The following NFIB variants were observed in gnomAD, a reference collection of about 807,000 sequenced individuals.
NFIB encodes the protein nuclear factor 1 B-type.
Under a neutral mutation model 61.5 loss-of-function variants are expected in NFIB, and 11 were observed. The observed-to-expected ratio is 0.18, with a 90% CI of 0.11 to 0.30. The LOEUF is 0.30. NFIB is among the 10% of genes least tolerant of loss of function. The pLI is 1.00. For synonymous variants in NFIB, 260 were observed against 216.5 expected (o/e 1.20, Z -1.76); for missense variants, 471 against 608.9 (o/e 0.77, Z 2.38).
chr9:14,286,258 T>C (rs1247865869), intron 2 of NFIB, among the ~76,000 whole-genome samples: 1 of 152,224 alleles, frequency 6.6e-6, no homozygotes, highest in Admixed American at 6.5e-5. Flanking sequence ...AGTTCTTGCT[T>C]ACTCACTTTT....
intron 2 of NFIB, among the ~76,000 whole-genome samples, chr9:14,264,888 T>A (rs1006610254): frequency 1.3e-5 from 2 of 152,156 alleles, no homozygotes; most frequent in African/African-American, 4.8e-5. Context: ...TAGGATAAGT[T>A]AGGTTCCGTG....
At chr9:14,160,620 C>T (rs1219788728) in intron 3 of NFIB, among the ~76,000 whole-genome samples, 12 of 151,990 alleles carry the variant, frequency 7.9e-5, no homozygotes, top group Admixed American at 5.2e-4. Flanking sequence ...TGAAATTTTG[C>T]AAAGGTAGCA....
the NFIB span, among the ~76,000 whole-genome samples, chr9:14,492,514 T>G: frequency 6.6e-6 from 1 of 151,974 alleles, no homozygotes; most frequent in African/African-American, 2.4e-5. Context: ...CAGGAAAACT[T>G]ACAATCATGG....
intron 2 of NFIB, among the ~76,000 whole-genome samples, chr9:14,252,640 TAG>T (rs1326562936): frequency 6.8e-6 from 1 of 147,668 alleles, no homozygotes; most frequent in African/African-American, 2.6e-5. Context: ...TCAGAAATAA[TAG>T]AGTCAATGAA....
intron 2 of NFIB, among the ~76,000 whole-genome samples, chr9:14,259,909 A>C: frequency 6.6e-6 from 1 of 152,202 alleles, no homozygotes; most frequent in African/African-American, 2.4e-5. Flanking sequence ...CATTTCAAAA[A>C]CAAAACGAAA....
chr9:14,226,276 A>G (rs2052403395), intron 2 of NFIB, among the ~76,000 whole-genome samples: 1 of 152,170 alleles, frequency 6.6e-6, no homozygotes. Flanking sequence ...GGCTAGGCAC[A>G]GTGGCTGACC....
At chr9:14,473,982 G>A in the NFIB span, among the ~76,000 whole-genome samples, 30 of 152,222 alleles carry the variant, frequency 2.0e-4, no homozygotes, top group African/African-American at 3.9e-4. Context: ...TCAGGAAGCC[G>A]CTGGACATGG....
the NFIB span, among the ~76,000 whole-genome samples, chr9:14,453,458 G>A: frequency 2.9e-4 from 44 of 152,146 alleles, no homozygotes; most frequent in African/African-American, 1.0e-3. Flanking sequence ...ATCTACTCTT[G>A]AATTAAGATG....
At chr9:14,378,430 C>T (rs839495) in intron 1 of NFIB, among the ~76,000 whole-genome samples, 25,841 of 152,134 alleles carry the variant, frequency 0.17, 2,323 homozygotes, top group South Asian at 0.29. Context: ...AATTTTGGCT[C>T]ACTGCAACCT....
the NFIB span, among the ~76,000 whole-genome samples, chr9:14,462,586 T>G: frequency 1.3e-5 from 2 of 152,158 alleles, no homozygotes; most frequent in Non-Finnish European, 2.9e-5. Context: ...CCGGCCACCG[T>G]ATGGTATTCT....
chr9:14,473,293 G>A, the NFIB span, among the ~76,000 whole-genome samples: 1 of 152,180 alleles, frequency 6.6e-6, no homozygotes. Flanking sequence ...TTGACCTGGG[G>A]TAGAAAATCA....
At chr9:14,151,167 A>T (rs2042828361) in intron 4 of NFIB, among the ~76,000 whole-genome samples, 1 of 152,140 alleles carries the variant, frequency 6.6e-6, no homozygotes, top group Non-Finnish European at 1.5e-5. Flanking sequence ...ATAGGTAGTG[A>T]TAAGAGCCTA....
At chr9:14,407,262 A>G in the NFIB span, among the ~76,000 whole-genome samples, 1 of 152,216 alleles carries the variant, frequency 6.6e-6, no homozygotes, top group East Asian at 1.9e-4. Flanking sequence ...CTTTGCTTTA[A>G]CTGGAAGAGC....
intron 1 of NFIB, among the ~76,000 whole-genome samples, chr9:14,388,418 A>T (rs1189417985): frequency 7.3e-6 from 1 of 136,232 alleles, no homozygotes; most frequent in Non-Finnish European, 1.6e-5. Flanking sequence ...GAAGGAAGGA[A>T]GGAAGGAAGG....
Position 14,088,239 on chromosome 9 carries a change from G to A in NFIB, c.*70C>T. The A allele has an allele frequency of 6.3e-7, 1 of 1,575,702 alleles. No individual in the cohort carries two copies. Among genetic ancestry groups the A allele is most frequent in the Non-Finnish European group, 8.6e-7 (1 of 1,158,270 alleles). On this transcript the variant is annotated 3_prime_UTR_variant, in exon 11 of 11. Coordinates refer to ENST00000380953, the MANE Select transcript of NFIB (RefSeq NM_001190737.2). ...CTTGAAGGAAAGGTTCTCCAATTAT[G>A]TTCAAACCGTAATTTTGGACATTGG...
chr9:14,314,024 G>A lies in NFIB; in HGVS notation c.-513C>T. Reference sequence around the variant, plus strand: ...AGCGGGGAGAATGTGTCACCGCGCTGGGAAAGTTCAAGGTTACAGCCCCAA... The same window carrying A: ...AGCGGGGAGAATGTGTCACCGCGCTAGGAAAGTTCAAGGTTACAGCCCCAA... On this transcript the variant is annotated 5_prime_UTR_variant, in exon 1 of 11. Coordinates refer to ENST00000380953, the MANE Select transcript of NFIB (RefSeq NM_001190737.2). The A allele has an allele frequency of 2.8e-6, 3 of 1,070,538 alleles. No homozygotes were observed. The highest frequency in any genetic ancestry group is 3.4e-6 in the Non-Finnish European group (3 of 883,540). The allele number at this position is 1,070,538 out of a possible 1,614,324, so 66.3% of individuals were successfully genotyped here. A position where few individuals can be genotyped will look rare whatever the true frequency, so the allele number is the denominator to read the frequency against.
At chr9:14,171,559 T>C (rs1010196084) in intron 3 of NFIB, among the ~76,000 whole-genome samples, 1 of 152,086 alleles carries the variant, frequency 6.6e-6, no homozygotes, top group Non-Finnish European at 1.5e-5. Context: ...AAGAGACCTT[T>C]CAAAGTAGAA....
At chr9:14,450,236 TG>T in the NFIB span, among the ~76,000 whole-genome samples, 398 of 152,302 alleles carry the variant, frequency 2.6e-3, 1 homozygote, top group African/African-American at 9.3e-3. Flanking sequence ...TTTCTGTCCT[TG>T]TGATACTTTG....
intron 2 of NFIB, among the ~76,000 whole-genome samples, chr9:14,253,620 C>G (rs2055894620): frequency 6.6e-6 from 1 of 152,014 alleles, no homozygotes; most frequent in African/African-American, 2.4e-5. Flanking sequence ...TGCTTAAGCT[C>G]AGGAGTTAGG....
Sources: gnomAD v4.1 joint callset for allele counts (sites outside exome capture counted in the v4.1 genomes callset) on GRCh38, gnomAD v4.1.1 for gene constraint, MANE v1.5 for transcripts, NCBI Gene and HGNC (gene_info 2026-07-23, HGNC 2026-07-21) for gene names.